FRMPD4: variants seen among roughly 807,000 people sequenced by gnomAD.
The protein encoded by FRMPD4 is FERM and PDZ domain containing 4, also known as FERM and PDZ domain-containing protein 4.
FRMPD4 carries 22 observed loss-of-function variants against 94.1 expected under a neutral mutation model. The ratio of observed to expected loss-of-function variants is 0.23; its 90% CI spans 0.17 to 0.33. FRMPD4 has a LOEUF of 0.33. Among genes scored for constraint, FRMPD4 ranks in the 10% least tolerant of loss-of-function variants. The pLI is 1.00. For synonymous variants in FRMPD4, 631 were observed against 548.6 expected (o/e 1.15, Z -2.10); for missense variants, 1,111 against 1,339.9 (o/e 0.83, Z 2.67).
Position 12,614,892 on chromosome X carries a change from C to CA in FRMPD4, c.422+12dup, listed in dbSNP as rs761607765. On this transcript the variant is annotated intron_variant, in intron 4 of 16. Transcript: ENST00000675598. ...CATCGATCTGGTCAGGTGAGTGACT[C>CA]ATTCACCTGTGTCCTGTTCTGCTTT... is the stretch of plus-strand genomic sequence containing the variant. 35 of 1,000,705 alleles carry CA rather than the reference C, an allele frequency of 3.5e-5. No homozygotes were observed. Among genetic ancestry groups the CA allele is most frequent in the Non-Finnish European group, 4.1e-5 (29 of 708,207 alleles). The allele number at this position is 1,000,705 out of a possible 1,213,427, so 82.5% of individuals were successfully genotyped here.
At chrX:12,581,778 A>G (rs920787640) in intron 2 of FRMPD4, among the ~76,000 whole-genome samples, 2 of 111,678 alleles carry the variant, frequency 1.8e-5, no homozygotes, top group Non-Finnish European at 1.9e-5. Context: ...TTGCATTTGC[A>G]GTTCCCTCTG....
chrX:12,653,733 TAAAA>T (rs35537156), intron 4 of FRMPD4, among the ~76,000 whole-genome samples: 2 of 93,483 alleles, frequency 2.1e-5, no homozygotes, highest in Non-Finnish European at 4.4e-5. Context: ...TATGACTTAC[TAAAA>T]AAAAAAAAAA....
At chrX:12,492,019 C>T (rs2057797769) in intron 1 of FRMPD4, among the ~76,000 whole-genome samples, 1 of 112,211 alleles carries the variant, frequency 8.9e-6, no homozygotes, top group South Asian at 3.7e-4. Context: ...CAATATCATG[C>T]TAATTATATT....
intron 1 of FRMPD4, among the ~76,000 whole-genome samples, chrX:12,148,611 C>T (rs931089285): frequency 8.9e-6 from 1 of 112,651 alleles, no homozygotes; most frequent in Non-Finnish European, 1.9e-5. Context: ...ATGAAGATGA[C>T]TACACTAAAC....
At chrX:12,357,640 G>A (rs1256735421) in intron 1 of FRMPD4, among the ~76,000 whole-genome samples, 1 of 111,832 alleles carries the variant, frequency 8.9e-6, no homozygotes, top group Non-Finnish European at 1.9e-5. Context: ...CTCTTTCTCT[G>A]AATTGGGAGC....
At chrX:12,197,870 C>T (rs929981589) in intron 1 of FRMPD4, among the ~76,000 whole-genome samples, 5 of 111,866 alleles carry the variant, frequency 4.5e-5, no homozygotes, top group African/African-American at 6.5e-5. Flanking sequence ...ATCTGACAAA[C>T]GCTTCCAAGT....
intron 2 of FRMPD4, among the ~76,000 whole-genome samples, chrX:12,545,998 G>A (rs1191229699): frequency 8.9e-6 from 1 of 112,212 alleles, no homozygotes; most frequent in Non-Finnish European, 1.9e-5. Context: ...AGCTGGAAAG[G>A]AAAGTGACTG....
chrX:12,294,624 C>T (rs2054743699), intron 1 of FRMPD4, among the ~76,000 whole-genome samples: 1 of 111,441 alleles, frequency 9.0e-6, no homozygotes, highest in Non-Finnish European at 1.9e-5. Context: ...ATGGTGAATT[C>T]TCTTTCTGGA....
intron 4 of FRMPD4, among the ~76,000 whole-genome samples, chrX:12,616,600 C>T (rs2059238595): frequency 8.9e-6 from 1 of 112,082 alleles, no homozygotes; most frequent in Non-Finnish European, 1.9e-5. Flanking sequence ...GCATCGGGAA[C>T]AAGACCTGAG....
intron 1 of FRMPD4, among the ~76,000 whole-genome samples, chrX:12,370,865 C>T (rs2056152488): frequency 9.0e-6 from 1 of 111,706 alleles, no homozygotes; most frequent in Non-Finnish European, 1.9e-5. Flanking sequence ...TATTTGGAAC[C>T]CAGAAAGCAT....
chrX:12,031,281 G>GA (rs1206015049), intron 3 of FRMPD4, among the ~76,000 whole-genome samples: 3 of 111,933 alleles, frequency 2.7e-5, no homozygotes, highest in African/African-American at 6.5e-5. Context: ...ATGCTATTCA[G>GA]AAAAAAGTGT....
intron 3 of FRMPD4, among the ~76,000 whole-genome samples, chrX:12,059,327 G>T (rs1047782208): frequency 9.0e-6 from 1 of 111,617 alleles, no homozygotes; most frequent in African/African-American, 3.3e-5. Context: ...GAACTATTTT[G>T]TTAGGTACAT....
chrX:12,220,497 G>A (rs111409907), intron 1 of FRMPD4, among the ~76,000 whole-genome samples: 20 of 111,256 alleles, frequency 1.8e-4, no homozygotes, highest in African/African-American at 5.5e-4. Context: ...ATATCCATCC[G>A]CAGTAAGCAT....
chrX:12,438,935 G>A (rs912603303), intron 1 of FRMPD4, among the ~76,000 whole-genome samples: 1 of 111,118 alleles, frequency 9.0e-6, no homozygotes, highest in Non-Finnish European at 1.9e-5. Context: ...TCTGTGCGTC[G>A]CTCACCTTTC....
rs1011365936 is a variant in FRMPD4 at position 12,304,060 on chromosome X, C to T, written c.41+165048C>T. On this transcript the variant is annotated intron_variant, in intron 1 of 16. Coordinates refer to ENST00000675598, the MANE Select transcript of FRMPD4 (RefSeq NM_001368397.1). The stretch of plus-strand genomic sequence containing the variant: ...TCTAGGCAATTAGAGAGAAAACTCA[C>T]TTCACCTCCAACTAGGAGGTTTTCC... Among the ~76,000 whole-genome samples the T allele has an allele frequency of 2.7e-5, 3 of 112,007 alleles. No individual in the cohort carries two copies. In the South Asian group the frequency reaches 1.1e-3, roughly 42 times the overall value.
intron 1 of FRMPD4, among the ~76,000 whole-genome samples, chrX:12,145,257 T>G (rs2055747919): frequency 8.9e-6 from 1 of 112,195 alleles, no homozygotes; most frequent in Non-Finnish European, 1.9e-5. Context: ...GAGACTGGTG[T>G]GGGGGAGAAC....
In FRMPD4 at chrX:12,159,715, A is replaced by G. The variant is rs1367849702; in HGVS notation, c.41+20703A>G. Reference sequence around the variant, plus strand: ...TTATGGCGCTATGCAAAATCATGCAATGAAAATCCAGGCTTACAGGGACAA... The same window carrying G: ...TTATGGCGCTATGCAAAATCATGCAGTGAAAATCCAGGCTTACAGGGACAA... On this transcript the variant is annotated intron_variant, in intron 1 of 16. Coordinates refer to ENST00000675598, the MANE Select transcript of FRMPD4 (RefSeq NM_001368397.1). Among the ~76,000 whole-genome samples, 5 of 112,337 alleles carry G rather than the reference A, an allele frequency of 4.5e-5. No individual in the cohort carries two copies. The East Asian group carries it at 8.3e-4, about 19-fold the overall frequency.
At chrX:12,290,372 A>G (rs936487991) in intron 1 of FRMPD4, among the ~76,000 whole-genome samples, 3 of 112,472 alleles carry the variant, frequency 2.7e-5, no homozygotes, top group Non-Finnish European at 5.6e-5. Context: ...TGGCTTTGAT[A>G]CTTCACAAGC....
At chrX:12,099,450 T>TG (rs1459187760) in intron 3 of FRMPD4, among the ~76,000 whole-genome samples, 1 of 112,170 alleles carries the variant, frequency 8.9e-6, no homozygotes, top group Non-Finnish European at 1.9e-5. Context: ...ATTGGATGTT[T>TG]GGGGCAAATC....
Sources: allele counts gnomAD v4.1 joint callset (sites outside exome capture counted in the v4.1 genomes callset), GRCh38; gene constraint gnomAD v4.1.1; transcripts MANE v1.5; gene names NCBI Gene and HGNC (gene_info 2026-07-23, HGNC 2026-07-21).